Variants in GCNT4 observed in about 807,000 individuals in gnomAD.
GCNT4 encodes beta-1,3-galactosyl-O-glycosyl-glycoprotein beta-1,6-N-acetylglucosaminyltransferase 4.
Under a neutral mutation model 31.3 loss-of-function variants are expected in GCNT4, and 17 were observed. The ratio of observed to expected loss-of-function variants is 0.54; its 90% CI spans 0.37 to 0.81. The LOEUF (loss-of-function observed/expected upper bound fraction) is 0.81. Among genes scored for constraint, GCNT4 ranks in the 40% least tolerant of loss-of-function variants. GCNT4 has a pLI of 0.00. For synonymous variants in GCNT4, 158 were observed against 190.6 expected, an observed-to-expected ratio of 0.83 and a Z score of 1.41; for missense variants, 503 against 525.5, an observed-to-expected ratio of 0.96 and a Z score of 0.42.
chr5:75,038,993 C>T (rs1743259461), intron 3 of GCNT4, among the ~76,000 whole-genome samples: 1 of 152,184 alleles, frequency 6.6e-6, no homozygotes, highest in Admixed American at 6.5e-5. Flanking sequence ...CTTCATGTTG[C>T]CAGAGTCAGC....
intron 2 of GCNT4, among the ~76,000 whole-genome samples, chr5:75,050,528 G>A (rs537419441): frequency 3.1e-4 from 47 of 151,970 alleles, no homozygotes; most frequent in Non-Finnish European, 5.7e-4. Context: ...CACACCCCTC[G>A]TACAGAGGAC....
rs1418741049 is a variant in GCNT4 at position 75,029,325 on chromosome 5, T to C, written c.713A>G (p.Glu238Gly). The change falls in exon 4 of 4, where the codon GAA (glutamate) becomes GGA (glycine). Residue 238 changes from glutamate to glycine, a missense_variant. Coordinates refer to ENST00000652361, the MANE Select transcript of GCNT4 (RefSeq NM_001366737.1). The stretch of plus-strand genomic sequence containing the variant: ...GAGTTTTTTCAACTCTGACACCAAT[T>C]CAAAATTTGACTTCAGGGGAAAATC... ...GQDFPLKSNF[E>G]LVSELKKLNG... 1.2e-6 allele frequency: 2 copies of C among 1,614,014 alleles called. No individual in the cohort carries two copies. Among genetic ancestry groups the C allele is most frequent in the Admixed American group, 3.3e-5 (2 of 60,006 alleles).
At chr5:75,043,048 C>T (rs1743354666) in intron 3 of GCNT4, among the ~76,000 whole-genome samples, 1 of 152,224 alleles carries the variant, frequency 6.6e-6, no homozygotes, top group Non-Finnish European at 1.5e-5. Context: ...AGCTCTCCAA[C>T]AGCCATCTCC....
At chr5:75,021,078 A>G (rs545125016), downstream of GCNT4, among the ~76,000 whole-genome samples, 6 of 152,184 alleles carry the variant, frequency 3.9e-5, no homozygotes, top group South Asian at 1.0e-3. Context: ...GAGAGATTGA[A>G]TTGGGCTGTG....
chr5:75,048,294 C>CAGAAATAGGA (rs1292032757), intron 2 of GCNT4, among the ~76,000 whole-genome samples: 16 of 151,996 alleles, frequency 1.1e-4, no homozygotes, highest in Admixed American at 9.2e-4. Context: ...TGGAAAATAA[C>CAGAAATAGGA]AGAAATAGGA....
chr5:75,029,153 G>C lies in GCNT4; in HGVS notation c.885C>G (p.Asn295Lys). The change falls in exon 4 of 4, where the codon AAC (asparagine) becomes AAG (lysine). Residue 295 changes from asparagine (N) to lysine (K), a missense_variant. Transcript: ENST00000652361. ...TNISKEAPPHNIQIFVGSAYF... is the reference protein window; with the variant it reads ...TNISKEAPPHKIQIFVGSAYF... The stretch of plus-strand genomic sequence containing the variant: ...AAGCACTGCCAACAAATATCTGAAT[G>C]TTATGGGGGGGTGCTTCCTTGGAGA... The C allele has an allele frequency of 6.2e-7, 1 of 1,613,966 alleles. No individual in the cohort carries two copies. Among genetic ancestry groups the C allele is most frequent in the Non-Finnish European group, 8.5e-7 (1 of 1,180,006 alleles).
chr5:75,052,547 C>T lies in GCNT4; in HGVS notation c.-320G>A, dbSNP rs1009420925. 1 of 152,250 alleles carries T rather than the reference C, an allele frequency of 6.6e-6. No individual in the cohort carries two copies. The highest frequency in any genetic ancestry group is 1.5e-5 in the Non-Finnish European group (1 of 68,062). 9.4% of individuals were successfully genotyped at this position (152,250 alleles called of 1,614,324 possible). On this transcript the variant is annotated 5_prime_UTR_variant, in exon 1 of 4. Coordinates refer to ENST00000652361, the MANE Select transcript of GCNT4 (RefSeq NM_001366737.1). ...ACCGCCACCTCGCAGGCAGACGATC[C>T]CGGCCCGCTCTGCGGCACAAAAAAC...
At chr5:75,052,962 A>C (rs1319490486), upstream of GCNT4, 1 of 151,970 alleles carries the variant, frequency 6.6e-6, no homozygotes, top group Non-Finnish European at 1.5e-5. Flanking sequence ...CGCGCCCACG[A>C]GCCGCTTCTT....
intron 3 of GCNT4, among the ~76,000 whole-genome samples, chr5:75,041,647 CCT>C (rs1743322638): frequency 1.3e-5 from 2 of 152,154 alleles, no homozygotes. Context: ...CACGCATAGA[CCT>C]CTCAAGGTCA....
chr5:75,052,951 G>A (rs572880581), upstream of GCNT4: 1 of 152,240 alleles, frequency 6.6e-6, no homozygotes, highest in Non-Finnish European at 1.5e-5. Context: ...CCCGGCAAGG[G>A]CGCGCCCACG....
chr5:75,047,380 C>T (rs1165261531), intron 3 of GCNT4, among the ~76,000 whole-genome samples: 1 of 152,070 alleles, frequency 6.6e-6, no homozygotes, highest in Admixed American at 6.5e-5. Flanking sequence ...CTTACTATGG[C>T]AAGGGAGCAC....
intron 3 of GCNT4, among the ~76,000 whole-genome samples, chr5:75,035,202 T>C (rs6897253): frequency 4.6e-5 from 7 of 152,370 alleles, no homozygotes; most frequent in African/African-American, 1.7e-4. Flanking sequence ...TAGGCACGAC[T>C]GCATTCAGGG....
chr5:75,053,770 GT>G (rs1278114134), upstream of GCNT4, among the ~76,000 whole-genome samples: 1 of 152,146 alleles, frequency 6.6e-6, no homozygotes, highest in Non-Finnish European at 1.5e-5. Context: ...TGCGCTCCCA[GT>G]CCCCGGGCCG....
chr5:75,046,146 C>G (rs1743432997), intron 3 of GCNT4, among the ~76,000 whole-genome samples: 1 of 152,052 alleles, frequency 6.6e-6, no homozygotes, highest in Admixed American at 6.6e-5. Flanking sequence ...TAGTGTCTAC[C>G]TTGTGTATCA....
intron 3 of GCNT4, among the ~76,000 whole-genome samples, chr5:75,047,388 C>T (rs1047220909): frequency 6.6e-6 from 1 of 152,092 alleles, no homozygotes; most frequent in Non-Finnish European, 1.5e-5. Context: ...GGCAAGGGAG[C>T]ACATGGCATC....
chr5:75,032,391 C>A (rs1743083235), intron 3 of GCNT4, among the ~76,000 whole-genome samples: 1 of 152,180 alleles, frequency 6.6e-6, no homozygotes, highest in Non-Finnish European at 1.5e-5. Flanking sequence ...CTCCACGAGT[C>A]CAAAACTGAA....
intron 3 of GCNT4, among the ~76,000 whole-genome samples, chr5:75,039,901 C>T (rs1225787780): frequency 6.6e-6 from 1 of 152,202 alleles, no homozygotes; most frequent in Non-Finnish European, 1.5e-5. Context: ...ATTGGGATTT[C>T]ATGTCATGTA....
At chr5:75,053,851 C>T (rs986310331), upstream of GCNT4, among the ~76,000 whole-genome samples, 2 of 152,238 alleles carry the variant, frequency 1.3e-5, no homozygotes, top group East Asian at 1.9e-4. Context: ...GCGTCATCCA[C>T]GTTCGGTTCC....
intron 3 of GCNT4, among the ~76,000 whole-genome samples, chr5:75,032,831 G>T (rs1246350872): frequency 1.3e-5 from 2 of 149,702 alleles, no homozygotes; most frequent in East Asian, 2.0e-4. Context: ...TGTAGAATTG[G>T]GTGTTGTGGT....
Sources: gnomAD v4.1 joint callset for allele counts (sites outside exome capture counted in the v4.1 genomes callset) on GRCh38, gnomAD v4.1.1 for gene constraint, MANE v1.5 for transcripts, NCBI Gene and HGNC (gene_info 2026-07-23, HGNC 2026-07-21) for gene names.